Variants in NFIA observed in about 807,000 individuals in gnomAD.
The protein encoded by NFIA is nuclear factor I A.
Under a neutral mutation model 62.8 loss-of-function variants are expected in NFIA, and 8 were observed. The ratio of observed to expected loss-of-function variants is 0.13; its 90% CI spans 0.07 to 0.23. The LOEUF (loss-of-function observed/expected upper bound fraction) is 0.23. Among genes scored for constraint, NFIA ranks in the 10% least tolerant of loss-of-function variants. NFIA has a pLI of 1.00. For synonymous variants in NFIA, 235 were observed against 238.1 expected (o/e 0.99, Z 0.12); for missense variants, 410 against 642.1 (o/e 0.64, Z 3.91).
chr1:61,245,207 C>T (rs1464734680), intron 2 of NFIA, among the ~76,000 whole-genome samples: 1 of 152,094 alleles, frequency 6.6e-6, no homozygotes, highest in Non-Finnish European at 1.5e-5. Context: ...GCTATGACAC[C>T]ATCCTGAAAT....
chr1:61,233,941 G>A (rs796417158), intron 2 of NFIA, among the ~76,000 whole-genome samples: 2 of 152,242 alleles, frequency 1.3e-5, no homozygotes, highest in Non-Finnish European at 2.9e-5. Context: ...ATTTTCTACT[G>A]AGAATCTATA....
intron 2 of NFIA, among the ~76,000 whole-genome samples, chr1:61,100,062 A>G (rs778876219): frequency 6.6e-6 from 1 of 152,244 alleles, no homozygotes; most frequent in Non-Finnish European, 1.5e-5. Flanking sequence ...CAAATACATC[A>G]ACACTCTGAA....
intron 1 of NFIA, among the ~76,000 whole-genome samples, chr1:61,083,424 C>T (rs1646155818): frequency 6.6e-6 from 1 of 152,110 alleles, no homozygotes; most frequent in South Asian, 2.1e-4. Context: ...TGTTTGTCAG[C>T]CTTCGGGGTC....
chr1:61,091,794 A>C (rs1646325120), intron 2 of NFIA, among the ~76,000 whole-genome samples: 1 of 152,058 alleles, frequency 6.6e-6, no homozygotes, highest in Non-Finnish European at 1.5e-5. Context: ...TTTTAGATAA[A>C]GTTAACCTTT....
chr1:61,090,876 A>G (rs889270606), intron 2 of NFIA, among the ~76,000 whole-genome samples: 2 of 152,198 alleles, frequency 1.3e-5, no homozygotes, highest in African/African-American at 4.8e-5. Flanking sequence ...AAAATATTTC[A>G]AATTTGATTT....
intron 3 of NFIA, among the ~76,000 whole-genome samples, chr1:61,320,403 G>A (rs1660619997): frequency 6.6e-6 from 1 of 152,068 alleles, no homozygotes; most frequent in African/African-American, 2.4e-5. Flanking sequence ...ACTAATTACT[G>A]GGTAAATGAG....
chr1:61,391,322 A>T (rs1484275712), intron 7 of NFIA, among the ~76,000 whole-genome samples: 1 of 152,072 alleles, frequency 6.6e-6, no homozygotes, highest in African/African-American at 2.4e-5. Flanking sequence ...TCAACCTTCC[A>T]AAGTGCTGGG....
chr1:61,140,805 G>A (rs1259017167), intron 2 of NFIA, among the ~76,000 whole-genome samples: 2 of 152,054 alleles, frequency 1.3e-5, no homozygotes, highest in East Asian at 3.9e-4. Context: ...CCTGCATTTA[G>A]GATTAGAAAC....
chr1:61,254,356 G>A (rs1656240262), intron 2 of NFIA, among the ~76,000 whole-genome samples: 1 of 152,086 alleles, frequency 6.6e-6, no homozygotes, highest in Non-Finnish European at 1.5e-5. Context: ...TTCATGTTTT[G>A]ATTGCAAAAA....
intron 2 of NFIA, among the ~76,000 whole-genome samples, chr1:61,256,846 C>T (rs1021320046): frequency 7.2e-5 from 11 of 152,122 alleles, no homozygotes; most frequent in Non-Finnish European, 7.3e-5. Flanking sequence ...GACTCACTCA[C>T]AGTGCCATAC....
intron 3 of NFIA, among the ~76,000 whole-genome samples, chr1:61,326,554 G>T (rs1173301679): frequency 1.3e-5 from 2 of 152,194 alleles, no homozygotes; most frequent in Non-Finnish European, 2.9e-5. Context: ...ATCAGGCAGT[G>T]TGTCAAGACC....
chr1:61,164,560 C>T (rs1314871356), intron 2 of NFIA, among the ~76,000 whole-genome samples: 2 of 151,950 alleles, frequency 1.3e-5, no homozygotes, highest in African/African-American at 4.8e-5. Context: ...CCTGGGTTCA[C>T]GCCATTCTCC....
chr1:61,374,895 C>A (rs942922453), intron 6 of NFIA, among the ~76,000 whole-genome samples: 2 of 152,096 alleles, frequency 1.3e-5, no homozygotes, highest in African/African-American at 4.8e-5. Flanking sequence ...GTCTATTTTA[C>A]CTTTTTATCG....
chr1:61,194,051 T>C (rs1376917816), intron 2 of NFIA, among the ~76,000 whole-genome samples: 1 of 152,204 alleles, frequency 6.6e-6, no homozygotes, highest in East Asian at 1.9e-4. Context: ...GTGGTTAAGA[T>C]TAACAAGATT....
intron 2 of NFIA, among the ~76,000 whole-genome samples, chr1:61,256,456 A>C (rs943987856): frequency 1.2e-4 from 18 of 151,238 alleles, no homozygotes; most frequent in Non-Finnish European, 2.2e-4. Context: ...AAAAAAAAAA[A>C]AATCTCATAA....
chr1:61,151,990 G>C (rs963837487), intron 2 of NFIA, among the ~76,000 whole-genome samples: 16 of 152,160 alleles, frequency 1.1e-4, no homozygotes, highest in African/African-American at 3.9e-4. Context: ...AGAGAGTCCT[G>C]TCCTGGTTCC....
At chr1:61,081,882 G>A, upstream of NFIA, 1 of 1,543,094 alleles carries the variant, frequency 6.5e-7, no homozygotes, top group South Asian at 1.2e-5. Context: ...GAGCCTTACC[G>A]CATTTCAGTG....
rs1665063661 is a variant in NFIA at position 61,393,060 on chromosome 1, C to T, written c.1075+9695C>T. On this transcript the variant is annotated intron_variant, in intron 7 of 10. Coordinates refer to ENST00000403491, the MANE Select transcript of NFIA (RefSeq NM_001134673.4). Reference sequence around the variant, plus strand: ...CCCTCATTTTAAGACTTCCTGGTATCGTACGCTTGGACTGTACCTTGCGTA... The same window carrying T: ...CCCTCATTTTAAGACTTCCTGGTATTGTACGCTTGGACTGTACCTTGCGTA... 3.3e-5 allele frequency among the ~76,000 whole-genome samples: 5 copies of T among 151,986 alleles called. No individual in the cohort carries two copies. In the South Asian group the frequency reaches 1.0e-3, roughly 32 times the overall value.
intron 10 of NFIA, among the ~76,000 whole-genome samples, chr1:61,453,323 TGAAAA>T (rs1244976545): frequency 2.6e-5 from 4 of 151,782 alleles, no homozygotes; most frequent in Non-Finnish European, 5.9e-5. Flanking sequence ...TTGGGGGACT[TGAAAA>T]GAGAACAATA....
Sources: gnomAD v4.1 joint callset for allele counts (sites outside exome capture counted in the v4.1 genomes callset) on GRCh38, gnomAD v4.1.1 for gene constraint, MANE v1.5 for transcripts, NCBI Gene and HGNC (gene_info 2026-07-23, HGNC 2026-07-21) for gene names.